IGF2: variants seen among roughly 807,000 people sequenced by gnomAD.
The protein encoded by IGF2 is insulin-like growth factor 2.
In IGF2, 2 loss-of-function variants were observed where a neutral mutation model predicts 12.0. The observed-to-expected ratio is 0.17, with a 90% CI of 0.07 to 0.52. The LOEUF (loss-of-function observed/expected upper bound fraction) is 0.52, where lower values mean the gene tolerates loss of function less well. Among genes scored for constraint, IGF2 ranks in the 20% least tolerant of loss-of-function variants. IGF2 has a pLI of 0.95. For synonymous variants in IGF2, 105 were observed against 110.1 expected (o/e 0.95, Z 0.29); for missense variants, 211 against 268.0 (o/e 0.79, Z 1.48).
At position 2,132,231 on chromosome 11, in the gene IGF2, C is replaced by T; in HGVS notation, c.*756G>A. On this transcript the variant is annotated 3_prime_UTR_variant, in exon 4 of 4. Coordinates refer to ENST00000416167, the MANE Select transcript of IGF2 (RefSeq NM_000612.6). ...TTTTGGTTTTCATGCTCTGTCCTCCCCTCCTTTGGTCTTACTGGGTCCCTC... is the reference window on the plus strand; with the variant it reads ...TTTTGGTTTTCATGCTCTGTCCTCCTCTCCTTTGGTCTTACTGGGTCCCTC... 1 of 204,704 alleles carries T rather than the reference C, an allele frequency of 4.9e-6. No individual in the cohort carries two copies. Among genetic ancestry groups the T allele is most frequent in the East Asian group, 7.4e-5 (1 of 13,602 alleles). 12.7% of individuals were successfully genotyped at this position (204,704 alleles called of 1,614,324 possible). A position where few individuals can be genotyped will look rare whatever the true frequency, so the allele number is the denominator to read the frequency against.
rs768185143 is a variant in IGF2 at position 2,137,542 on chromosome 11, C to T, written c.-7+687G>A. 5.9e-3 allele frequency among the ~76,000 whole-genome samples: 835 copies of T among 141,892 alleles called. 3 individuals carry two copies. Among genetic ancestry groups the T allele is most frequent in the Non-Finnish European group, 8.8e-3 (561 of 63,788 alleles). The allele number at this position is 141,892 out of a possible 152,430, so 93.1% of individuals were successfully genotyped here. A position where few individuals can be genotyped will look rare whatever the true frequency, so the allele number is the denominator to read the frequency against. On this transcript the variant is annotated intron_variant, in intron 1 of 3. Transcript: ENST00000416167. ...ACAGGGCAGTGAAGGGGGGGGGGGT[C>T]TCCTTCCCACCTCCTTGTATGGAAA...
upstream of IGF2, chr11:2,140,716 C>T: frequency 2.3e-6 from 1 of 427,868 alleles, no homozygotes; most frequent in Non-Finnish European, 4.5e-6. Flanking sequence ...CGCAAGTCCG[C>T]AGCCGTGTCC....
chr11:2,137,340 C>T, intron 1 of IGF2: 1 of 806,870 alleles, frequency 1.2e-6, no homozygotes, highest in Non-Finnish European at 1.5e-6. Flanking sequence ...CCTCCCAGCC[C>T]GGGCTCCACC....
chr11:2,138,612 C>A lies in IGF2; in HGVS notation c.-390G>T. The A allele has an allele frequency of 1.0e-6, 1 of 979,346 alleles. No homozygotes were observed. Among genetic ancestry groups the A allele is most frequent in the Non-Finnish European group, 1.2e-6 (1 of 826,728 alleles). The allele number at this position is 979,346 out of a possible 1,614,324, so 60.7% of individuals were successfully genotyped here. The stretch of plus-strand genomic sequence containing the variant: ...GGGAGAGAGGACAGCGAGAGGCGGG[C>A]AGGCGCACAGCGGGAGAGAACAGCA... On this transcript the variant is annotated 5_prime_UTR_variant, in exon 1 of 4. Coordinates refer to ENST00000416167, the MANE Select transcript of IGF2 (RefSeq NM_000612.6).
upstream of IGF2, chr11:2,140,944 GA>G: frequency 5.9e-6 from 2 of 340,070 alleles, no homozygotes; most frequent in Non-Finnish European, 5.6e-6. Context: ...GGACGCTGCT[GA>G]AGGTGAGCGA....
chr11:2,149,331 G>A, the IGF2 span: 3 of 1,611,986 alleles, frequency 1.9e-6, no homozygotes, highest in Middle Eastern at 1.9e-4. Context: ...GAGGAGGAGA[G>A]GGACAAAGCT....
At chr11:2,140,075 C>T (rs1231963710), upstream of IGF2, 3 of 1,555,194 alleles carry the variant, frequency 1.9e-6, no homozygotes, top group African/African-American at 2.8e-5. Flanking sequence ...TTGGAGCCTA[C>T]GGAGGCTCCG....
upstream of IGF2, among the ~76,000 whole-genome samples, chr11:2,144,745 G>C (rs1859812705): frequency 6.6e-6 from 1 of 152,048 alleles, no homozygotes; most frequent in Non-Finnish European, 1.5e-5. Context: ...CGATGGGGCA[G>C]TGGCCCTAAG....
rs952352687 is a variant in IGF2 at position 2,138,919 on chromosome 11, T to G, written c.-697A>C. The G allele has an allele frequency of 4.1e-6, 4 of 982,678 alleles. No homozygotes were observed. Among genetic ancestry groups the G allele is most frequent in the Non-Finnish European group, 4.8e-6 (4 of 829,320 alleles). The allele number at this position is 982,678 out of a possible 1,614,324, so 60.9% of individuals were successfully genotyped here. On this transcript the variant is annotated 5_prime_UTR_variant, in exon 1 of 4. Transcript: ENST00000416167. Reference sequence around the variant, plus strand: ...CGGACCGCGGGCGCCCAGCTCGGTTTGGGCCGACGGAGCCCTCTGCCGTCG... The same window carrying G: ...CGGACCGCGGGCGCCCAGCTCGGTTGGGGCCGACGGAGCCCTCTGCCGTCG...
chr11:2,149,295 C>G, the IGF2 span: 1 of 1,613,574 alleles, frequency 6.2e-7, no homozygotes, highest in Non-Finnish European at 8.5e-7. Flanking sequence ...GCTGTGGCGT[C>G]CAGACCCTCT....
At chr11:2,140,490 C>CCG (rs1362031213), upstream of IGF2, 1 of 588,160 alleles carries the variant, frequency 1.7e-6, no homozygotes, top group African/African-American at 2.0e-5. Context: ...CGCCCGCGCT[C>CCG]CGCGCGCGCC....
At chr11:2,148,124 G>C in the IGF2 span, 2 of 288,094 alleles carry the variant, frequency 6.9e-6, no homozygotes, top group Non-Finnish European at 1.3e-5. This position sits in a 1 kb window ranked among gnomAD's most constrained non-coding sequence, Gnocchi z 4.3. Context: ...CCTGGCACTG[G>C]GGGTGGAGGG....
upstream of IGF2, chr11:2,140,074 A>G (rs1468267976): frequency 6.5e-7 from 1 of 1,538,952 alleles, no homozygotes; most frequent in Non-Finnish European, 8.9e-7. Flanking sequence ...CTTGGAGCCT[A>G]CGGAGGCTCC....
chr11:2,137,102 C>A (rs1859120358), intron 1 of IGF2: 1 of 400,908 alleles, frequency 2.5e-6, no homozygotes, highest in Non-Finnish European at 3.4e-6. Context: ...GGGCCCGAGG[C>A]CCAGGCGTGG....
rs1394136145 is a variant in IGF2 at position 2,138,875 on chromosome 11, G to A, written c.-653C>T. 15 of 981,184 alleles carry A rather than the reference G, an allele frequency of 1.5e-5. No homozygotes were observed. The highest frequency in any genetic ancestry group is 1.7e-5 in the Non-Finnish European group (14 of 826,768). The allele number at this position is 981,184 out of a possible 1,614,324, so 60.8% of individuals were successfully genotyped here. ...GGCCGGGGGAGGCGGTGACTGGGGG[G>A]CGGAGTGGAGGCTGCACCCGGACCG... On this transcript the variant is annotated 5_prime_UTR_variant, in exon 1 of 4. Transcript: ENST00000416167.
Position 2,131,757 on chromosome 11 carries a change from G to A in IGF2, c.*1230C>T. The A allele has an allele frequency of 4.8e-6, 1 of 207,404 alleles. No homozygotes were observed. Among genetic ancestry groups the A allele is most frequent in the Non-Finnish European group, 9.6e-6 (1 of 104,358 alleles). The allele number at this position is 207,404 out of a possible 1,614,324, so 12.8% of individuals were successfully genotyped here. A position where few individuals can be genotyped will look rare whatever the true frequency, so the allele number is the denominator to read the frequency against. On this transcript the variant is annotated 3_prime_UTR_variant, in exon 4 of 4. Coordinates refer to ENST00000416167, the MANE Select transcript of IGF2 (RefSeq NM_000612.6). Reference sequence around the variant, plus strand: ...TCGCGTGTGTGTGCTGTGTGTGCATGTGTGTGCTGTGTCTTTGTGTGTGTG... The same window carrying A: ...TCGCGTGTGTGTGCTGTGTGTGCATATGTGTGCTGTGTCTTTGTGTGTGTG...
chr11:2,130,165 C>T lies in IGF2; in HGVS notation c.*2822G>A, dbSNP rs11825733. 0.022 allele frequency: 5,120 copies of T among 230,926 alleles called. 244 individuals carry two copies. The highest frequency in any genetic ancestry group is 0.1 in the African/African-American group (4,692 of 45,162). The allele number at this position is 230,926 out of a possible 1,614,324, so 14.3% of individuals were successfully genotyped here. ...ATGGAACCCTCTGTTTACACACCTG[C>T]TAGCCCCTTCCCCTCCGGCCAGCCT... On this transcript the variant is annotated 3_prime_UTR_variant, in exon 4 of 4. Transcript: ENST00000416167.
rs1554915131 is a variant in IGF2 at position 2,138,388 on chromosome 11, T to TTG, written c.-167_-166insCA. 30 of 129,432 alleles carry TTG rather than the reference T, an allele frequency of 2.3e-4. No individual in the cohort carries two copies. The highest frequency in any genetic ancestry group is 5.6e-4 in the African/African-American group (9 of 16,080). The allele number at this position is 129,432 out of a possible 1,614,324, so 8.0% of individuals were successfully genotyped here. On this transcript the variant is annotated 5_prime_UTR_variant, in exon 1 of 4. Transcript: ENST00000416167. Reference sequence around the variant, plus strand: ...GCAGAGCGGGGGGATGGCTTTTTTTTGGGGGGGGGGGGAGAATTCGTCTGA... The same window carrying TTG: ...GCAGAGCGGGGGGATGGCTTTTTTTTTGGGGGGGGGGGGGAGAATTCGTCTGA...
At position 2,129,805 on chromosome 11, in the gene IGF2, G is replaced by T. The variant is rs943268367; in HGVS notation, c.*3182C>A. On this transcript the variant is annotated 3_prime_UTR_variant, in exon 4 of 4. Coordinates refer to ENST00000416167, the MANE Select transcript of IGF2 (RefSeq NM_000612.6). This position sits in a 1 kb window ranked among gnomAD's most constrained non-coding sequence, Gnocchi z 8.1. ...TGCGTGCAGGGGGGCTGAGCTGGGG[G>T]CACAAGTGGGGGCGAGGTAAACCTC... The T allele has an allele frequency of 4.3e-6, 1 of 232,208 alleles. No homozygotes were observed. Among genetic ancestry groups the T allele is most frequent in the Non-Finnish European group, 8.5e-6 (1 of 117,412 alleles). 14.4% of individuals were successfully genotyped at this position (232,208 alleles called of 1,614,324 possible).
Sources: allele counts gnomAD v4.1 joint callset (sites outside exome capture counted in the v4.1 genomes callset), GRCh38; gene constraint gnomAD v4.1.1; non-coding constraint Gnocchi (gnomAD v3.1); transcripts MANE v1.5; gene names NCBI Gene and HGNC (gene_info 2026-07-23, HGNC 2026-07-21).